CACNA2D1: variants seen among roughly 807,000 people sequenced by gnomAD.
CACNA2D1 encodes calcium voltage-gated channel auxiliary subunit alpha2delta 1, also known as voltage-dependent calcium channel subunit alpha-2/delta-1.
Under a neutral mutation model 171.5 loss-of-function variants are expected in CACNA2D1, and 53 were observed. That is an observed-to-expected ratio of 0.31 (90% CI 0.25 to 0.39). The LOEUF (loss-of-function observed/expected upper bound fraction) is 0.39, where lower values mean the gene tolerates loss of function less well. Ranked by LOEUF, CACNA2D1 falls within the 10% of genes least tolerant of loss-of-function variation. CACNA2D1 has a pLI of 1.00. For synonymous variants in CACNA2D1, 442 were observed against 443.1 expected (o/e 1.00, Z 0.03); for missense variants, 903 against 1,299.8 (o/e 0.69, Z 4.69).
intron 12 of CACNA2D1, among the ~76,000 whole-genome samples, chr7:82,015,675 A>T (rs528798552): frequency 6.6e-6 from 1 of 152,304 alleles, no homozygotes; most frequent in Non-Finnish European, 1.5e-5. Flanking sequence ...CATGAGTTCA[A>T]ATTCCAGTTT....
At position 81,946,748 on chromosome 7, in the gene CACNA2D1, T is replaced by G. The variant is rs1792080896; in HGVS notation, c.*3644A>C. The G allele has an allele frequency of 6.6e-6, 1 of 151,990 alleles. No individual in the cohort carries two copies. Among genetic ancestry groups the G allele is most frequent in the Non-Finnish European group, 1.5e-5 (1 of 67,952 alleles). 9.4% of individuals were successfully genotyped at this position (151,990 alleles called of 1,614,324 possible). A position where few individuals can be genotyped will look rare whatever the true frequency, so the allele number is the denominator to read the frequency against. On this transcript the variant is annotated 3_prime_UTR_variant, in exon 39 of 39. Coordinates refer to ENST00000356860, the MANE Select transcript of CACNA2D1 (RefSeq NM_000722.4). ...AAAAGACAGCTTTACTAGGTCACAT[T>G]ATAAACTCAACTGGCATCTACACAA...
chr7:82,147,079 T>A (rs1189605787), intron 4 of CACNA2D1, among the ~76,000 whole-genome samples: 2 of 126,372 alleles, frequency 1.6e-5, no homozygotes, highest in East Asian at 2.5e-4. Flanking sequence ...CACATACACA[T>A]AATTCATAAC....
At chr7:82,280,364 T>C (rs1026924441) in intron 3 of CACNA2D1, among the ~76,000 whole-genome samples, 2 of 152,154 alleles carry the variant, frequency 1.3e-5, no homozygotes, top group Non-Finnish European at 2.9e-5. Context: ...AAAGAGCTCA[T>C]AAGGACAAAA....
chr7:82,253,558 A>G (rs1276452835), intron 3 of CACNA2D1, among the ~76,000 whole-genome samples: 4 of 152,224 alleles, frequency 2.6e-5, no homozygotes, highest in South Asian at 2.1e-4. Flanking sequence ...TTGATACACA[A>G]AAGTAAGATA....
intron 3 of CACNA2D1, among the ~76,000 whole-genome samples, chr7:82,262,256 A>G: frequency 6.6e-6 from 1 of 152,162 alleles, no homozygotes; most frequent in East Asian, 1.9e-4. Context: ...GCGTGAACCC[A>G]GGACGTGGAG....
chr7:81,973,754 A>G (rs1795538911), intron 25 of CACNA2D1, among the ~76,000 whole-genome samples: 1 of 152,022 alleles, frequency 6.6e-6, no homozygotes, highest in South Asian at 2.1e-4. Flanking sequence ...GTGCTTTTAT[A>G]ATAAATATTT....
At chr7:82,121,339 G>A (rs1238877683) in intron 5 of CACNA2D1, among the ~76,000 whole-genome samples, 1 of 152,138 alleles carries the variant, frequency 6.6e-6, no homozygotes, top group African/African-American at 2.4e-5. Flanking sequence ...TTACAGGTGT[G>A]AGCCACCACG....
At chr7:82,417,709 A>C (rs1828312500) in intron 1 of CACNA2D1, among the ~76,000 whole-genome samples, 1 of 152,212 alleles carries the variant, frequency 6.6e-6, no homozygotes, top group Non-Finnish European at 1.5e-5. Context: ...GAATTCAAAT[A>C]AAATGATAGT....
intron 12 of CACNA2D1, among the ~76,000 whole-genome samples, chr7:82,022,813 GATTT>G (rs1425086778): frequency 7.2e-5 from 11 of 151,868 alleles, no homozygotes; most frequent in African/African-American, 1.7e-4. Flanking sequence ...CTCAAAAATG[GATTT>G]ATTGTCAAGT....
intron 3 of CACNA2D1, among the ~76,000 whole-genome samples, chr7:82,269,698 AG>A (rs372393458): frequency 9.2e-4 from 140 of 152,284 alleles, no homozygotes; most frequent in African/African-American, 3.0e-3. Flanking sequence ...AAAACATAAG[AG>A]GTACTTAGTA....
intron 18 of CACNA2D1, among the ~76,000 whole-genome samples, chr7:82,004,472 T>C (rs1484982811): frequency 6.6e-6 from 1 of 151,488 alleles, no homozygotes; most frequent in Middle Eastern, 3.2e-3. Flanking sequence ...ATAATTAATA[T>C]ATTACATTTA....
rs1005763458 is a variant in CACNA2D1 at position 82,072,463 on chromosome 7, A to T, written c.659-5939T>A. Among the ~76,000 whole-genome samples, 3 of 151,998 alleles carry T rather than the reference A, an allele frequency of 2.0e-5. No individual in the cohort carries two copies. The South Asian group carries it at 6.2e-4, about 32-fold the overall frequency. ...TCCCCAGGAAACTGCTTATTGCTAT[A>T]TAAGACTTCTAGTGAGTCCCAAATA... On this transcript the variant is annotated intron_variant, in intron 7 of 38. Coordinates refer to ENST00000356860, the MANE Select transcript of CACNA2D1 (RefSeq NM_000722.4).
rs1158969374 is a variant in CACNA2D1 at position 82,431,835 on chromosome 7, G to T, written c.95+11530C>A. Among the ~76,000 whole-genome samples, 7 of 151,710 alleles carry T rather than the reference G, an allele frequency of 4.6e-5. No homozygotes were observed. The South Asian group carries it at 8.4e-4, about 18-fold the overall frequency. On this transcript the variant is annotated intron_variant, in intron 1 of 38. Transcript: ENST00000356860. ...GGGTGGATTACTGAGGTCAGGTGTTGGAGACCAGCCTGGCCAACATGGTGA... is the reference window on the plus strand; with the variant it reads ...GGGTGGATTACTGAGGTCAGGTGTTTGAGACCAGCCTGGCCAACATGGTGA...
At chr7:82,012,044 T>A in intron 15 of CACNA2D1, 110 bp downstream of exon 15, 1 of 749,142 alleles carries the variant, frequency 1.3e-6, no homozygotes, top group Non-Finnish European at 2.4e-6. Flanking sequence ...AGAAGAAATT[T>A]TGGGGAGGGT....
intron 34 of CACNA2D1, 107 bp downstream of exon 34, chr7:81,963,949 C>A: frequency 3.5e-6 from 3 of 862,376 alleles, no homozygotes; most frequent in Non-Finnish European, 5.7e-6. Flanking sequence ...CAACTTAACT[C>A]CCTTAATAAA....
intron 1 of CACNA2D1, among the ~76,000 whole-genome samples, chr7:82,406,514 G>A (rs1207941758): frequency 1.3e-5 from 2 of 152,180 alleles, no homozygotes; most frequent in African/African-American, 4.8e-5. Flanking sequence ...CACCAACAGT[G>A]CAAAAGTGTT....
intron 1 of CACNA2D1, among the ~76,000 whole-genome samples, chr7:82,370,861 T>C (rs1461469551): frequency 6.6e-6 from 1 of 152,152 alleles, no homozygotes; most frequent in Non-Finnish European, 1.5e-5. Context: ...GTAGTTCAAA[T>C]ATTGAATTAA....
intron 1 of CACNA2D1, among the ~76,000 whole-genome samples, chr7:82,406,676 C>T (rs1827087477): frequency 6.6e-6 from 1 of 152,150 alleles, no homozygotes; most frequent in African/African-American, 2.4e-5. Flanking sequence ...TGTCTGTTGG[C>T]TGCATAAATG....
At chr7:82,331,988 A>G (rs1005786529) in intron 3 of CACNA2D1, among the ~76,000 whole-genome samples, 3 of 152,204 alleles carry the variant, frequency 2.0e-5, no homozygotes, top group African/African-American at 4.8e-5. Flanking sequence ...GAAGATAATA[A>G]TGTTTTCATT....
Sources: gnomAD v4.1 joint callset for allele counts (sites outside exome capture counted in the v4.1 genomes callset) on GRCh38, gnomAD v4.1.1 for gene constraint, MANE v1.5 for transcripts, NCBI Gene and HGNC (gene_info 2026-07-23, HGNC 2026-07-21) for gene names.